Variants in LAS1L observed in about 807,000 individuals in gnomAD.
The protein encoded by LAS1L is LAS1 like ribosome biogenesis factor.
A neutral mutation model predicts 57.3 loss-of-function variants in LAS1L; 5 were observed. The ratio of observed to expected loss-of-function variants is 0.09; its 90% CI spans 0.05 to 0.18. The LOEUF (loss-of-function observed/expected upper bound fraction) is 0.18. Ranked by LOEUF, LAS1L falls within the 10% of genes least tolerant of loss-of-function variation. The pLI is 1.00. For missense variants in LAS1L, 360 were observed against 568.3 expected, an observed-to-expected ratio of 0.63 and a Z score of 3.73; for synonymous variants, 245 against 231.7, an observed-to-expected ratio of 1.06 and a Z score of -0.52.
intron 11 of LAS1L, chrX:65,518,997 G>A (rs764780337): frequency 2.7e-5 from 20 of 745,450 alleles, no homozygotes; most frequent in Non-Finnish European, 3.2e-5. Flanking sequence ...GCCCAGCCTG[G>A]AATGGAGGAA....
Position 65,529,747 on chromosome X carries a change from T to C in LAS1L, c.646A>G (p.Asn216Asp), listed in dbSNP as rs768164912. ...IEEEDQEEDK[N>D]IVVDDITEQK... The stretch of plus-strand genomic sequence containing the variant: ...TCTGTGATGTCATCAACAACAATGT[T>C]CTTATCTTCCTCTTGATCCTCTTCC... The change falls in exon 5 of 14, where the codon AAC (asparagine) becomes GAC (aspartate). Residue 216 changes from asparagine (N) to aspartate (D), a missense_variant. By Grantham distance (23) the Asn-to-Asp change is conservative. Coordinates refer to ENST00000374811, the MANE Select transcript of LAS1L (RefSeq NM_031206.7). The C allele has an allele frequency of 2.3e-5, 28 of 1,210,274 alleles. No individual in the cohort carries two copies. Among genetic ancestry groups the C allele is most frequent in the South Asian group, 5.3e-5 (3 of 56,844 alleles).
In LAS1L at chrX:65,512,743, G is replaced by A. The variant is rs754710844; in HGVS notation, c.*32C>T. 5.7e-5 allele frequency: 66 copies of A among 1,153,615 alleles called. No homozygotes were observed. Among genetic ancestry groups the A allele is most frequent in the East Asian group, 2.3e-4 (7 of 30,607 alleles). On this transcript the variant is annotated 3_prime_UTR_variant, in exon 14 of 14. Coordinates refer to ENST00000374811, the MANE Select transcript of LAS1L (RefSeq NM_031206.7). ...AGGGGGTGGGCTGTTGCCCTGGCACGGCTGGATGAACACTTGCACCAGGGA... is the reference window on the plus strand; with the variant it reads ...AGGGGGTGGGCTGTTGCCCTGGCACAGCTGGATGAACACTTGCACCAGGGA...
Position 65,529,198 on chromosome X carries a change from G to A in LAS1L, c.846+14C>T. ...GGCAGATGAGAGCACACCAAGTCCA[G>A]GGCACTTTCTTACCGTAAACTGCTC... On this transcript the variant is annotated intron_variant, in intron 6 of 13. Coordinates refer to ENST00000374811, the MANE Select transcript of LAS1L (RefSeq NM_031206.7). 1 of 1,197,694 alleles carries A rather than the reference G, an allele frequency of 8.3e-7. No individual in the cohort carries two copies. Among genetic ancestry groups the A allele is most frequent in the Non-Finnish European group, 1.1e-6 (1 of 882,754 alleles).
intron 11 of LAS1L, among the ~76,000 whole-genome samples, chrX:65,520,113 T>C (rs1458424884): frequency 3.6e-5 from 4 of 111,706 alleles, no homozygotes; most frequent in South Asian, 3.8e-4. Context: ...GTCTGACCAC[T>C]AAGGTGCGGG....
At chrX:65,520,666 C>G (rs192313283) in intron 11 of LAS1L, 1 of 752,541 alleles carries the variant, frequency 1.3e-6, no homozygotes, top group African/African-American at 2.3e-5. Context: ...CACTGCTTAT[C>G]TGGGAAAGGC....
At chrX:65,526,060 C>T (rs980647328) in intron 7 of LAS1L, among the ~76,000 whole-genome samples, 3 of 111,339 alleles carry the variant, frequency 2.7e-5, no homozygotes, top group Non-Finnish European at 5.7e-5. Flanking sequence ...AAAAAAGAGC[C>T]TGACATCTCC....
intron 11 of LAS1L, among the ~76,000 whole-genome samples, chrX:65,520,006 T>C (rs758374706): frequency 8.9e-6 from 1 of 112,255 alleles, no homozygotes; most frequent in South Asian, 3.7e-4. Context: ...GGTGGTCCAT[T>C]AGTGTGATTA....
chrX:65,524,895 C>A (rs935297969), intron 8 of LAS1L, 70 bp downstream of exon 8: 13 of 936,039 alleles, frequency 1.4e-5, no homozygotes, highest in Non-Finnish European at 2.0e-5. Flanking sequence ...CCAGGGCCCC[C>A]CAGCCCACCC....
intron 6 of LAS1L, among the ~76,000 whole-genome samples, chrX:65,528,645 G>A (rs937467800): frequency 8.0e-5 from 9 of 112,968 alleles, no homozygotes; most frequent in African/African-American, 2.9e-4. Flanking sequence ...TTTGGCTGGA[G>A]ATAGAGACTC....
chrX:65,522,679 T>G (rs1474320856), intron 11 of LAS1L: 1 of 111,864 alleles, frequency 8.9e-6, no homozygotes, highest in Non-Finnish European at 1.9e-5. Flanking sequence ...GAGATCTGGA[T>G]GCAGGCAAAG....
intron 9 of LAS1L, 109 bp from the exon 10 acceptor site, chrX:65,524,371 A>C (rs2148289589): frequency 3.1e-6 from 2 of 645,318 alleles, no homozygotes; most frequent in South Asian, 5.0e-5. Context: ...AGTGAGAGCA[A>C]GAGAATGTGT....
Position 65,532,932 on chromosome X carries a change from C to T in LAS1L, c.363-302G>A, listed in dbSNP as rs143086997. ...GCTAGAACATAATATGTTATAAATG[C>T]TGCAAAGGACTACATCAGATAATGG... On this transcript the variant is annotated intron_variant, in intron 2 of 13. Coordinates refer to ENST00000374811, the MANE Select transcript of LAS1L (RefSeq NM_031206.7). Among the ~76,000 whole-genome samples, 12 of 112,065 alleles carry T rather than the reference C, an allele frequency of 1.1e-4. No homozygotes were observed. The East Asian group carries it at 3.4e-3, about 32-fold the overall frequency.
chrX:65,523,171 T>C (rs181709006), intron 11 of LAS1L: 8 of 126,292 alleles, frequency 6.3e-5, no homozygotes, highest in Non-Finnish European at 1.3e-4. Context: ...AACTGAAGGT[T>C]GCTAAGCAAC....
chrX:65,514,534 G>GCA lies in LAS1L; in HGVS notation c.2078+287_2078+288dup, dbSNP rs56718186. Among the ~76,000 whole-genome samples, 7,899 of 88,754 alleles carry GCA rather than the reference G, an allele frequency of 0.089. 865 individuals carry two copies. Among genetic ancestry groups the GCA allele is most frequent in the African/African-American group, 0.29 (6,720 of 23,307 alleles). The allele number at this position is 88,754 out of a possible 115,157, so 77.1% of individuals were successfully genotyped here. ...CCTCCCAAAATGTGTGTGTGTGCCT[G>GCA]CACACACACACACACACACACACAC... On this transcript the variant is annotated intron_variant, in intron 13 of 13. Coordinates refer to ENST00000374811, the MANE Select transcript of LAS1L (RefSeq NM_031206.7).
chrX:65,517,311 G>A (rs1408940285), intron 12 of LAS1L, among the ~76,000 whole-genome samples: 1 of 104,891 alleles, frequency 9.5e-6, no homozygotes, highest in East Asian at 2.9e-4. Flanking sequence ...GCAGTGGCGC[G>A]ATCTCGGCTC....
intron 2 of LAS1L, 110 bp downstream of exon 2, chrX:65,533,500 C>T (rs2069607568): frequency 1.4e-6 from 1 of 694,110 alleles, no homozygotes; most frequent in Non-Finnish European, 2.2e-6. Context: ...GTGAGGTACA[C>T]GCAGGGTTTT....
At position 65,514,550 on chromosome X, in the gene LAS1L, A is replaced by T. The variant is rs1243399640; in HGVS notation, c.2078+273T>A. ...TGTGTGCCTGCACACACACACACAC[A>T]CACACACACACACACACGTCCATCC... On this transcript the variant is annotated intron_variant, in intron 13 of 13. Coordinates refer to ENST00000374811, the MANE Select transcript of LAS1L (RefSeq NM_031206.7). Among the ~76,000 whole-genome samples the T allele has an allele frequency of 8.3e-5, 9 of 108,078 alleles. No homozygotes were observed. In the East Asian group the frequency reaches 2.7e-3, roughly 32 times the overall value. The allele number at this position is 108,078 out of a possible 115,157, so 93.9% of individuals were successfully genotyped here.
At position 65,525,748 on chromosome X, in the gene LAS1L, C is replaced by CAAAAAAAAAAA. The variant is rs772564998; in HGVS notation, c.957-709_957-699dup. ...AGGTCTTCACCAAGGTCTGATTTTT[C>CAAAAAAAAAAA]AAAAAAAAAAAAAAAAAAAAGAAAG... is the stretch of plus-strand genomic sequence containing the variant. On this transcript the variant is annotated intron_variant, in intron 7 of 13. Coordinates refer to ENST00000374811, the MANE Select transcript of LAS1L (RefSeq NM_031206.7). 8.9e-4 allele frequency among the ~76,000 whole-genome samples: 34 copies of CAAAAAAAAAAA among 38,219 alleles called. 1 individual carries two copies. Among genetic ancestry groups the CAAAAAAAAAAA allele is most frequent in the African/African-American group, 3.3e-3 (29 of 8,713 alleles). 33.2% of individuals were successfully genotyped at this position (38,219 alleles called of 115,157 possible). A position where few individuals can be genotyped will look rare whatever the true frequency, so the allele number is the denominator to read the frequency against.
intron 11 of LAS1L, chrX:65,521,043 A>C: frequency 1.3e-6 from 1 of 754,088 alleles, no homozygotes; most frequent in Non-Finnish European, 1.6e-6. Context: ...CATCACTTCT[A>C]GTCTGGAGCA....
Sources: gnomAD v4.1 joint callset for allele counts (sites outside exome capture counted in the v4.1 genomes callset) on GRCh38, gnomAD v4.1.1 for gene constraint, MANE v1.5 for transcripts, NCBI Gene and HGNC (gene_info 2026-07-23, HGNC 2026-07-21) for gene names.